Variants in TGFB2 observed in about 807,000 individuals in gnomAD.
The protein encoded by TGFB2 is transforming growth factor beta-2 proprotein.
A neutral mutation model predicts 42.7 loss-of-function variants in TGFB2; 13 were observed. The observed-to-expected ratio is 0.30, with a 90% CI of 0.20 to 0.48. TGFB2 has a LOEUF of 0.48. TGFB2 is among the 20% of genes least tolerant of loss of function. The pLI is 0.99. For synonymous variants in TGFB2, 193 were observed against 193.6 expected, an observed-to-expected ratio of 1.00 and a Z score of 0.03; for missense variants, 390 against 517.5, an observed-to-expected ratio of 0.75 and a Z score of 2.39.
Position 218,361,142 on chromosome 1 carries a change from C to T in TGFB2, c.346+14095C>T, listed in dbSNP as rs564923791. ...TGTTGGGATTATAGGCGTGAGCCAC[C>T]GCGCCCGGCCTGAAAACTGATTATT... On this transcript the variant is annotated intron_variant, in intron 1 of 6. Transcript: ENST00000366930. Among the ~76,000 whole-genome samples, 14 of 152,312 alleles carry T rather than the reference C, an allele frequency of 9.2e-5. No homozygotes were observed. The South Asian group carries it at 1.5e-3, about 16-fold the overall frequency.
chr1:218,350,036 G>GCA (rs755413090), intron 1 of TGFB2, among the ~76,000 whole-genome samples: 274 of 152,310 alleles, frequency 1.8e-3, no homozygotes, highest in Middle Eastern at 0.014. Flanking sequence ...GGAATTAGTG[G>GCA]ACCTCTAGTA....
chr1:218,382,436 G>T (rs2102568100), intron 1 of TGFB2, among the ~76,000 whole-genome samples: 1 of 152,298 alleles, frequency 6.6e-6, no homozygotes, highest in African/African-American at 2.4e-5. Context: ...CCCCAGTGGA[G>T]TAATAGGTGC....
intron 2 of TGFB2, among the ~76,000 whole-genome samples, chr1:218,420,164 A>C (rs928564625): frequency 1.5e-4 from 23 of 152,342 alleles, no homozygotes; most frequent in Middle Eastern, 3.4e-3. Flanking sequence ...TCTTGTGGAC[A>C]GTCTTTCCCT....
At chr1:218,368,735 G>T (rs1379737177) in intron 1 of TGFB2, among the ~76,000 whole-genome samples, 1 of 152,108 alleles carries the variant, frequency 6.6e-6, no homozygotes, top group Non-Finnish European at 1.5e-5. Flanking sequence ...AGTAATCTGG[G>T]ACTACCTGGG....
chr1:218,346,921 A>G lies in TGFB2; in HGVS notation c.220A>G (p.Thr74Ala). ...PPEVISIYNS[T>A]RDLLQEKASR... ...GGAGGTGATTTCCATCTACAACAGC[A>G]CCAGGGACTTGCTCCAGGAGAAGGC... Residue 74 changes from threonine (T) to alanine (A), a missense_variant, in exon 1 of 7, where the codon ACC (threonine) becomes GCC (alanine). Physicochemically the swap from Thr to Ala is moderately conservative, Grantham distance 58. Transcript: ENST00000366930. The surrounding 1 kb of genome is among the most constrained non-coding windows in gnomAD (Gnocchi z 4.9). 1 of 1,614,214 alleles carries G rather than the reference A, an allele frequency of 6.2e-7. No individual in the cohort carries two copies. Among genetic ancestry groups the G allele is most frequent in the Non-Finnish European group, 8.5e-7 (1 of 1,180,050 alleles).
chr1:218,378,805 G>A (rs1277873318), intron 1 of TGFB2, among the ~76,000 whole-genome samples: 1 of 151,878 alleles, frequency 6.6e-6, no homozygotes, highest in African/African-American at 2.4e-5. Flanking sequence ...GGGACCTGAG[G>A]AAACAATATG....
Position 218,417,042 on chromosome 1 carries a change from A to G in TGFB2, c.510+11710A>G, listed in dbSNP as rs139404041. Among the ~76,000 whole-genome samples the G allele has an allele frequency of 1.8e-3, 267 of 152,374 alleles. 4 individuals are homozygous for G. The highest frequency in any genetic ancestry group is 6.2e-3 in the African/African-American group (256 of 41,588). On this transcript the variant is annotated intron_variant, in intron 2 of 6. Coordinates refer to ENST00000366930, the MANE Select transcript of TGFB2 (RefSeq NM_003238.6). The stretch of plus-strand genomic sequence containing the variant: ...TGCAGCAGTGCGAAAATGGACTAAT[A>G]CAGTGAATTGGTATCAGTAGAGTGG...
chr1:218,437,196 TA>T, intron 5 of TGFB2, 146 bp from the exon 6 acceptor site: 1 of 826,416 alleles, frequency 1.2e-6, no homozygotes. Context: ...ATAAAGCCAT[TA>T]AAACCTGGCC....
At chr1:218,396,433 A>G (rs975371937) in intron 1 of TGFB2, among the ~76,000 whole-genome samples, 1 of 152,152 alleles carries the variant, frequency 6.6e-6, no homozygotes, top group African/African-American at 2.4e-5. Flanking sequence ...AGGAAGCCCC[A>G]CTGCATCTTT....
At chr1:218,412,275 G>A (rs1362979292) in intron 2 of TGFB2, among the ~76,000 whole-genome samples, 1 of 152,198 alleles carries the variant, frequency 6.6e-6, no homozygotes, top group Non-Finnish European at 1.5e-5. Context: ...ACTCATTCTT[G>A]CCAGAAAGGG....
chr1:218,437,227 A>G, intron 5 of TGFB2, 116 bp from the exon 6 acceptor site: 1 of 1,032,044 alleles, frequency 9.7e-7, no homozygotes, highest in Non-Finnish European at 1.4e-6. Flanking sequence ...TGCTCATTAG[A>G]TGTTTGTTGA....
intron 2 of TGFB2, among the ~76,000 whole-genome samples, chr1:218,420,355 G>A (rs2102611486): frequency 6.6e-6 from 1 of 152,250 alleles, no homozygotes; most frequent in South Asian, 2.1e-4. Context: ...ATACTGATGT[G>A]GCTTTAGTCC....
At chr1:218,384,544 T>G (rs2102570508) in intron 1 of TGFB2, among the ~76,000 whole-genome samples, 1 of 152,320 alleles carries the variant, frequency 6.6e-6, no homozygotes, top group African/African-American at 2.4e-5. Context: ...AGTCTCCTCA[T>G]CTGCAAAATG....
intron 2 of TGFB2, among the ~76,000 whole-genome samples, chr1:218,419,649 T>C (rs1558255211): frequency 1.3e-5 from 2 of 152,218 alleles, no homozygotes; most frequent in South Asian, 2.1e-4. Context: ...CAAATAAGTA[T>C]GTAACTTATA....
intron 1 of TGFB2, among the ~76,000 whole-genome samples, chr1:218,354,000 C>G (rs1656952466): frequency 6.6e-6 from 1 of 152,202 alleles, no homozygotes. Context: ...CCTTTGCACT[C>G]TTACTATACT....
At position 218,428,429 on chromosome 1, in the gene TGFB2, G is replaced by A. The variant is rs557398130; in HGVS notation, c.511-5653G>A. 7.2e-5 allele frequency among the ~76,000 whole-genome samples: 11 copies of A among 152,282 alleles called. No homozygotes were observed. The South Asian group carries it at 2.1e-3, about 29-fold the overall frequency. On this transcript the variant is annotated intron_variant, in intron 2 of 6. Transcript: ENST00000366930. ...CTTGCCCATGCCCATGTCCTGAATG[G>A]TATTGCCTGGGTTTTCTTCTAGGGC...
intron 2 of TGFB2, among the ~76,000 whole-genome samples, chr1:218,406,657 C>T (rs1658921748): frequency 1.3e-5 from 2 of 152,006 alleles, no homozygotes; most frequent in South Asian, 2.1e-4. Flanking sequence ...GGCCTTGAGA[C>T]GTATCTATTA....
chr1:218,441,095 T>C, intron 6 of TGFB2, 109 bp from the exon 7 acceptor site: 1 of 1,005,514 alleles, frequency 9.9e-7, no homozygotes, highest in Non-Finnish European at 1.4e-6. Flanking sequence ...AATTTTAAAT[T>C]GCCTACTCAG....
chr1:218,364,675 C>T (rs1175626319), intron 1 of TGFB2, among the ~76,000 whole-genome samples: 1 of 152,168 alleles, frequency 6.6e-6, no homozygotes, highest in Non-Finnish European at 1.5e-5. Context: ...TGCAATGTAT[C>T]ATGCCTACAC....
Sources: gnomAD v4.1 joint callset for allele counts (sites outside exome capture counted in the v4.1 genomes callset) on GRCh38, gnomAD v4.1.1 for gene constraint, Gnocchi (gnomAD v3.1) non-coding constraint, MANE v1.5 for transcripts, NCBI Gene and HGNC (gene_info 2026-07-23, HGNC 2026-07-21) for gene names.